SETBP1: variants seen among roughly 807,000 people sequenced by gnomAD.
SETBP1 encodes SET binding protein 1.
A neutral mutation model predicts 101.0 loss-of-function variants in SETBP1; 9 were observed. The ratio of observed to expected loss-of-function variants is 0.09; its 90% CI spans 0.05 to 0.16. The LOEUF is 0.16. Ranked by LOEUF, SETBP1 falls within the 10% of genes least tolerant of loss-of-function variation. The pLI, the probability that SETBP1 is intolerant of heterozygous loss-of-function variation, is 1.00. For synonymous variants in SETBP1, 818 were observed against 788.5 expected (o/e 1.04, Z -0.63); for missense variants, 1,858 against 2,033.8 (o/e 0.91, Z 1.66).
chr18:44,740,289 C>T (rs1002537597), intron 2 of SETBP1, among the ~76,000 whole-genome samples: 3 of 152,068 alleles, frequency 2.0e-5, no homozygotes, highest in Non-Finnish European at 4.4e-5. Flanking sequence ...ACGCTAATGA[C>T]GATATTACCT....
At chr18:44,923,399 C>T (rs910335315) in intron 3 of SETBP1, among the ~76,000 whole-genome samples, 1 of 152,168 alleles carries the variant, frequency 6.6e-6, no homozygotes, top group East Asian at 1.9e-4. Flanking sequence ...TTAGACATGT[C>T]CAGAATCACC....
At chr18:44,833,703 G>A (rs532186480) in intron 2 of SETBP1, among the ~76,000 whole-genome samples, 1 of 152,274 alleles carries the variant, frequency 6.6e-6, no homozygotes, top group East Asian at 1.9e-4. Flanking sequence ...CAGAGAATAC[G>A]GTCTGCAAAT....
intron 3 of SETBP1, among the ~76,000 whole-genome samples, chr18:44,926,808 T>C (rs893132453): frequency 1.3e-5 from 2 of 152,136 alleles, no homozygotes; most frequent in African/African-American, 4.8e-5. Flanking sequence ...CTGCAGGAGA[T>C]AGTCAAGCCA....
intron 2 of SETBP1, among the ~76,000 whole-genome samples, chr18:44,751,501 T>C (rs2070379043): frequency 6.6e-6 from 1 of 152,218 alleles, no homozygotes; most frequent in African/African-American, 2.4e-5. Context: ...ATGAATCATA[T>C]GGAAATTGTG....
chr18:44,696,983 A>C (rs1568094768), intron 1 of SETBP1, among the ~76,000 whole-genome samples: 1 of 152,092 alleles, frequency 6.6e-6, no homozygotes. Flanking sequence ...CCCAGCCCCC[A>C]CTGCCGCCCC....
chr18:44,695,261 CA>C (rs2068995795), intron 1 of SETBP1, among the ~76,000 whole-genome samples: 1 of 152,122 alleles, frequency 6.6e-6, no homozygotes, highest in East Asian at 1.9e-4. Flanking sequence ...AAGAAATTAC[CA>C]AAGGAATAAT....
intron 2 of SETBP1, 39 bp downstream of exon 2, chr18:44,701,871 T>C (rs1397884235): frequency 7.5e-6 from 12 of 1,602,556 alleles, no homozygotes; most frequent in African/African-American, 1.3e-5. Flanking sequence ...TGTTTGTTTC[T>C]CTGTTTTTGC....
At chr18:44,842,792 AC>A (rs1299916456) in intron 2 of SETBP1, among the ~76,000 whole-genome samples, 2 of 152,190 alleles carry the variant, frequency 1.3e-5, no homozygotes, top group African/African-American at 4.8e-5. Context: ...CCATTTGGAC[AC>A]CCTGCTTACC....
At chr18:44,686,313 C>T (rs189667370) in intron 1 of SETBP1, among the ~76,000 whole-genome samples, 187 of 152,346 alleles carry the variant, frequency 1.2e-3, no homozygotes, top group African/African-American at 4.2e-3. Context: ...TGCAATATGC[C>T]CCAGGCTGTG....
intron 2 of SETBP1, among the ~76,000 whole-genome samples, chr18:44,747,108 G>T (rs569106657): frequency 5.3e-5 from 8 of 152,286 alleles, no homozygotes; most frequent in East Asian, 3.9e-4. Flanking sequence ...GTGAATGGAG[G>T]TTCCTGGTGA....
At position 45,038,511 on chromosome 18, in the gene SETBP1, G is replaced by A. The variant is rs550969177; in HGVS notation, c.4027G>A (p.Asp1343Asn). The A allele has an allele frequency of 6.2e-7, 1 of 1,614,098 alleles. No homozygotes were observed. The highest frequency in any genetic ancestry group is 2.2e-5 in the East Asian group (1 of 44,882). Residue 1343 changes from aspartate to asparagine, a missense_variant, in exon 5 of 6, where the codon GAC becomes AAC. Physicochemically the swap from Asp to Asn is conservative, Grantham distance 23 (BLOSUM62 1). Coordinates refer to ENST00000649279, the MANE Select transcript of SETBP1 (RefSeq NM_015559.3). ...GATGCCAAGTCCCCACTTAAAAGTG[G>A]ACCAGACAGCAGTGCATAGTAAGAA... is the stretch of plus-strand genomic sequence containing the variant. ...PGMPSPHLKV[D>N]QTAVHSKNEG...
At chr18:44,949,771 C>T in intron 3 of SETBP1, 110 bp from the exon 4 acceptor site, 1 of 910,806 alleles carries the variant, frequency 1.1e-6, no homozygotes, top group Non-Finnish European at 1.7e-6. Context: ...TATTCATTTC[C>T]AACTTTCAGA....
Position 44,950,744 on chromosome 18 carries a change from T to C in SETBP1, c.1404T>C (p.Ser468=), listed in dbSNP as rs774435871. 3 of 1,613,998 alleles carry C rather than the reference T, an allele frequency of 1.9e-6. No individual in the cohort carries two copies. Among genetic ancestry groups the C allele is most frequent in the South Asian group, 2.2e-5 (2 of 91,060 alleles). ...AGGATCCCCGTGTCCCTAAGTTGAG[T>C]AAAATGATAGAGAATGAGTCCCCCT... ...NKKDPRVPKL[S]KMIENESPSV... The change falls in exon 4 of 6, where the codon AGT becomes AGC. Residue 468 remains serine (S), a synonymous_variant. Transcript: ENST00000649279.
chr18:44,892,672 A>G (rs1389514195), intron 3 of SETBP1, among the ~76,000 whole-genome samples: 3 of 152,070 alleles, frequency 2.0e-5, no homozygotes, highest in Non-Finnish European at 4.4e-5. Flanking sequence ...CTGTGTATAG[A>G]GTTCAAATAT....
intron 2 of SETBP1, among the ~76,000 whole-genome samples, chr18:44,787,261 G>A (rs981506415): frequency 2.0e-5 from 3 of 152,184 alleles, no homozygotes; most frequent in African/African-American, 7.2e-5. Flanking sequence ...TACAGTAGCA[G>A]TAATTGAAAG....
intron 2 of SETBP1, among the ~76,000 whole-genome samples, chr18:44,832,066 A>G (rs1394411900): frequency 6.6e-6 from 1 of 152,236 alleles, no homozygotes; most frequent in Non-Finnish European, 1.5e-5. Context: ...AAGAATGAGA[A>G]GCAACATGCC....
At chr18:44,990,594 A>C (rs1348666455) in intron 4 of SETBP1, among the ~76,000 whole-genome samples, 1 of 150,512 alleles carries the variant, frequency 6.6e-6, no homozygotes, top group Non-Finnish European at 1.5e-5. Flanking sequence ...CTTGTCTCAA[A>C]AAACAAACAA....
At chr18:45,056,649 C>G (rs2073813340) in intron 5 of SETBP1, among the ~76,000 whole-genome samples, 1 of 152,192 alleles carries the variant, frequency 6.6e-6, no homozygotes, top group South Asian at 2.1e-4. Context: ...GGCAAGGTGG[C>G]AGGGGCAGGA....
At chr18:45,030,587 T>A (rs2073274457) in intron 4 of SETBP1, among the ~76,000 whole-genome samples, 1 of 150,306 alleles carries the variant, frequency 6.7e-6, no homozygotes, top group Admixed American at 6.6e-5. Context: ...GAAGGAATGG[T>A]ACTAGTTCCT....
Sources: allele counts gnomAD v4.1 joint callset (sites outside exome capture counted in the v4.1 genomes callset), GRCh38; gene constraint gnomAD v4.1.1; transcripts MANE v1.5; gene names NCBI Gene and HGNC (gene_info 2026-07-23, HGNC 2026-07-21).